GLYR1: variants seen among roughly 807,000 people sequenced by gnomAD.
The protein encoded by GLYR1 is glyoxylate reductase 1 homolog.
GLYR1 carries 21 observed loss-of-function variants against 72.7 expected under a neutral mutation model. That is an observed-to-expected ratio of 0.29 (90% CI 0.20 to 0.42). GLYR1 has a LOEUF of 0.42. Among genes scored for constraint, GLYR1 ranks in the 10% least tolerant of loss-of-function variants. The pLI is 1.00. For missense variants in GLYR1, 594 were observed against 712.1 expected (o/e 0.83, Z 1.89); for synonymous variants, 392 against 270.2 (o/e 1.45, Z -4.42).
At chr16:4,844,461 T>C (rs991018995) in intron 3 of GLYR1, among the ~76,000 whole-genome samples, 2 of 152,246 alleles carry the variant, frequency 1.3e-5, no homozygotes, top group African/African-American at 4.8e-5. Context: ...AAAAGAGAAC[T>C]GAACATGGCT....
chr16:4,840,377 G>C (rs1467668908), intron 3 of GLYR1: 1 of 152,178 alleles, frequency 6.6e-6, no homozygotes, highest in Non-Finnish European at 1.5e-5. Flanking sequence ...AGCATGATCT[G>C]AAGTCCATAG....
chr16:4,829,350 G>T (rs532979502), intron 5 of GLYR1, among the ~76,000 whole-genome samples: 1 of 152,210 alleles, frequency 6.6e-6, no homozygotes, highest in South Asian at 2.1e-4. Flanking sequence ...CTGTTGCCCA[G>T]GCTGGAGTGC....
At chr16:4,811,891 C>A in intron 13 of GLYR1, 89 bp from the exon 14 acceptor site, 1 of 1,483,814 alleles carries the variant, frequency 6.7e-7, no homozygotes, top group Non-Finnish European at 9.1e-7. Flanking sequence ...AGACCCACCT[C>A]TCTCCAGGGG....
chr16:4,840,785 G>A (rs1596407002), intron 3 of GLYR1, among the ~76,000 whole-genome samples: 1 of 152,204 alleles, frequency 6.6e-6, no homozygotes, highest in East Asian at 1.9e-4. Context: ...ACCGGTACCT[G>A]AATGCACATT....
intron 9 of GLYR1, among the ~76,000 whole-genome samples, chr16:4,820,902 A>G (rs2141983851): frequency 6.6e-6 from 1 of 152,296 alleles, no homozygotes. Flanking sequence ...GAGGATCCCC[A>G]AGCACTTTCA....
At chr16:4,838,775 G>A (rs2085334549) in intron 3 of GLYR1, among the ~76,000 whole-genome samples, 1 of 152,060 alleles carries the variant, frequency 6.6e-6, no homozygotes, top group Admixed American at 6.6e-5. Context: ...TTTTAGGAGA[G>A]ACGGGGTTTC....
chr16:4,812,135 C>T lies in GLYR1; in HGVS notation c.1233G>A (p.Glu411=), dbSNP rs1490976793. The T allele has an allele frequency of 1.2e-6, 2 of 1,614,066 alleles. No homozygotes were observed. The highest frequency in any genetic ancestry group is 1.3e-5 in the African/African-American group (1 of 74,926). The change falls in exon 13 of 16, where the codon GAG becomes GAA. Residue 411 remains glutamate, a synonymous_variant. Coordinates refer to ENST00000321919, the MANE Select transcript of GLYR1 (RefSeq NM_032569.4). The stretch of plus-strand genomic sequence containing the variant: ...TCGCCTGGAAGCAGCTGCTGCAGTC[C>T]TCATATAAGCCCCTGTCTCCAGCCG... The part of the protein sequence containing the change: ...ILAAGDRGLY[E]DCSSCFQAMG...
At chr16:4,839,771 T>A (rs2085410127) in intron 3 of GLYR1, 1 of 152,214 alleles carries the variant, frequency 6.6e-6, no homozygotes, top group South Asian at 2.1e-4. Flanking sequence ...TAATCACTGA[T>A]TATCTTGTCA....
intron 3 of GLYR1, among the ~76,000 whole-genome samples, chr16:4,838,708 AC>A (rs2085328720): frequency 6.6e-6 from 1 of 151,528 alleles, no homozygotes; most frequent in Non-Finnish European, 1.5e-5. Context: ...TGCCTCAGCC[AC>A]CCGAGTAGCT....
At chr16:4,818,965 C>A (rs1793020630) in intron 9 of GLYR1, among the ~76,000 whole-genome samples, 1 of 152,186 alleles carries the variant, frequency 6.6e-6, no homozygotes, top group Non-Finnish European at 1.5e-5. Flanking sequence ...ACTCCGCCTG[C>A]TCCTTCCTGC....
chr16:4,832,592 A>G (rs1025868997), intron 4 of GLYR1, 182 bp downstream of exon 4: 1 of 720,258 alleles, frequency 1.4e-6, no homozygotes, highest in Non-Finnish European at 2.2e-6. Context: ...TACTCCAGAA[A>G]GGTTAGCTGC....
In GLYR1 at chr16:4,805,192, G is replaced by T. The variant is rs774281634; in HGVS notation, c.*44C>A. 2 of 1,541,894 alleles carry T rather than the reference G, an allele frequency of 1.3e-6. No individual in the cohort carries two copies. Among genetic ancestry groups the T allele is most frequent in the Non-Finnish European group, 9.0e-7 (1 of 1,116,062 alleles). ...CCCCGACCCCATGTGAGGAAGAGGGGGTCAGAGGGGGGATTGGAGGGGTGA... is the reference window on the plus strand; with the variant it reads ...CCCCGACCCCATGTGAGGAAGAGGGTGTCAGAGGGGGGATTGGAGGGGTGA... On this transcript the variant is annotated 3_prime_UTR_variant, in exon 16 of 16. Coordinates refer to ENST00000321919, the MANE Select transcript of GLYR1 (RefSeq NM_032569.4).
chr16:4,842,013 G>T (rs1023251866), intron 3 of GLYR1, among the ~76,000 whole-genome samples: 2 of 152,010 alleles, frequency 1.3e-5, no homozygotes, highest in African/African-American at 4.8e-5. Flanking sequence ...AGGCCGAGGC[G>T]GGCAGATCAC....
At chr16:4,814,749 G>A in intron 10 of GLYR1, 102 bp from the exon 11 acceptor site, 2 of 929,028 alleles carry the variant, frequency 2.2e-6, no homozygotes, top group Non-Finnish European at 3.4e-6. Context: ...GGCCTACCAA[G>A]GCAGGAGGCT....
chr16:4,814,392 C>G (rs753469037), intron 11 of GLYR1, 145 bp downstream of exon 11: 11 of 672,052 alleles, frequency 1.6e-5, no homozygotes, highest in Non-Finnish European at 1.9e-5. Flanking sequence ...TGCAAACACC[C>G]TTCACAATGG....
intron 5 of GLYR1, among the ~76,000 whole-genome samples, chr16:4,825,286 C>A (rs546414965): frequency 1.3e-5 from 2 of 152,306 alleles, no homozygotes; most frequent in South Asian, 2.1e-4. Flanking sequence ...CAATCTCCAA[C>A]CTCAAGTCCT....
At chr16:4,834,463 C>CT (rs919753814) in intron 3 of GLYR1, among the ~76,000 whole-genome samples, 37 of 146,302 alleles carry the variant, frequency 2.5e-4, no homozygotes, top group Middle Eastern at 3.6e-3. Context: ...CACACCTGGC[C>CT]TTTTTTTTTT....
intron 6 of GLYR1, among the ~76,000 whole-genome samples, chr16:4,823,564 A>T (rs903961863): frequency 6.6e-6 from 1 of 152,342 alleles, no homozygotes; most frequent in Non-Finnish European, 1.5e-5. Context: ...AAAATAAAAA[A>T]AACTAGACAT....
Position 4,835,880 on chromosome 16 carries a change from T to G in GLYR1, c.156-2968A>C, listed in dbSNP as rs1464635090. ...CAGCTTACCAGAGCTCTATGGGGATTACCTCTTGAAAGCAAACCAAACTTA... is the reference window on the plus strand; with the variant it reads ...CAGCTTACCAGAGCTCTATGGGGATGACCTCTTGAAAGCAAACCAAACTTA... On this transcript the variant is annotated intron_variant, in intron 3 of 15. Transcript: ENST00000321919. 2.0e-5 allele frequency among the ~76,000 whole-genome samples: 3 copies of G among 152,168 alleles called. No homozygotes were observed. The East Asian group carries it at 5.8e-4, about 29-fold the overall frequency.
Sources: allele counts gnomAD v4.1 joint callset (sites outside exome capture counted in the v4.1 genomes callset), GRCh38; gene constraint gnomAD v4.1.1; transcripts MANE v1.5; gene names NCBI Gene and HGNC (gene_info 2026-07-23, HGNC 2026-07-21).